The following LHFPL3 variants were observed in gnomAD, a reference collection of about 807,000 sequenced individuals.
LHFPL3 encodes the protein LHFPL tetraspan subfamily member 3 protein.
Under a neutral mutation model 19.3 loss-of-function variants are expected in LHFPL3, and 5 were observed. The ratio of observed to expected loss-of-function variants is 0.26; its 90% CI spans 0.14 to 0.54. The LOEUF (loss-of-function observed/expected upper bound fraction) is 0.54. Among genes scored for constraint, LHFPL3 ranks in the 20% least tolerant of loss-of-function variants. LHFPL3 has a pLI of 0.94. For synonymous variants in LHFPL3, 133 were observed against 126.2 expected (o/e 1.05, Z -0.36); for missense variants, 249 against 307.4 (o/e 0.81, Z 1.42).
chr7:104,856,686 T>C (rs1791512374), intron 2 of LHFPL3, among the ~76,000 whole-genome samples: 1 of 152,254 alleles, frequency 6.6e-6, no homozygotes, highest in South Asian at 2.1e-4. Context: ...GTGAGAATCT[T>C]TAAATCACTT....
At chr7:104,828,960 A>G (rs1332016297) in intron 2 of LHFPL3, among the ~76,000 whole-genome samples, 5 of 151,856 alleles carry the variant, frequency 3.3e-5, no homozygotes, top group Non-Finnish European at 7.4e-5. Context: ...ACTTGGGCCC[A>G]GGAGGCAAAG....
chr7:104,841,176 T>C (rs1365362428), intron 2 of LHFPL3, among the ~76,000 whole-genome samples: 2 of 152,126 alleles, frequency 1.3e-5, no homozygotes, highest in Non-Finnish European at 2.9e-5. Flanking sequence ...TCCTCTCCCA[T>C]CTTATAGAAA....
intron 1 of LHFPL3, among the ~76,000 whole-genome samples, chr7:104,428,796 T>C (rs774539614): frequency 6.6e-6 from 1 of 152,230 alleles, no homozygotes; most frequent in Non-Finnish European, 1.5e-5. Context: ...AAAACCTAGA[T>C]TTAATATGAT....
intron 1 of LHFPL3, among the ~76,000 whole-genome samples, chr7:104,434,192 G>A (rs1054497099): frequency 6.6e-6 from 1 of 152,156 alleles, no homozygotes; most frequent in Non-Finnish European, 1.5e-5. Flanking sequence ...CCCCTTGATT[G>A]GATCCACCTT....
intron 1 of LHFPL3, among the ~76,000 whole-genome samples, chr7:104,593,015 G>A (rs1348128378): frequency 6.6e-6 from 1 of 152,106 alleles, no homozygotes; most frequent in Non-Finnish European, 1.5e-5. Flanking sequence ...TTTTTTTGAA[G>A]GGTTTTTTGT....
chr7:104,796,826 C>T (rs1243305655), intron 2 of LHFPL3: 2 of 152,676 alleles, frequency 1.3e-5, no homozygotes, highest in African/African-American at 4.8e-5. Context: ...ATCTGTCTCT[C>T]TGCTCTACCA....
intron 2 of LHFPL3, among the ~76,000 whole-genome samples, chr7:104,877,410 C>T (rs1010192399): frequency 2.8e-4 from 43 of 152,130 alleles, no homozygotes; most frequent in African/African-American, 9.9e-4. Context: ...TAAAACTCTA[C>T]AATAAAAGGA....
intron 1 of LHFPL3, among the ~76,000 whole-genome samples, chr7:104,426,187 A>G (rs185242776): frequency 1.3e-4 from 20 of 152,152 alleles, no homozygotes; most frequent in East Asian, 7.7e-4. Context: ...AAGGATTGCT[A>G]TTTCTTAGGT....
chr7:104,368,074 A>G (rs901484796), intron 1 of LHFPL3, among the ~76,000 whole-genome samples: 2 of 152,188 alleles, frequency 1.3e-5, no homozygotes, highest in Non-Finnish European at 2.9e-5. Context: ...ATGTTTATCC[A>G]TAGAGAGAAG....
intron 2 of LHFPL3, among the ~76,000 whole-genome samples, chr7:104,850,421 C>T (rs1032631340): frequency 1.3e-5 from 2 of 152,190 alleles, no homozygotes; most frequent in Non-Finnish European, 2.9e-5. Flanking sequence ...AGATCTTTTG[C>T]TTCTGAGCCT....
intron 2 of LHFPL3, among the ~76,000 whole-genome samples, chr7:104,821,673 G>A (rs1790678254): frequency 6.6e-6 from 1 of 152,162 alleles, no homozygotes; most frequent in African/African-American, 2.4e-5. Flanking sequence ...ATAATCTACA[G>A]TGTGACCATC....
chr7:104,336,280 A>G (rs1486201074), intron 1 of LHFPL3, among the ~76,000 whole-genome samples: 6 of 152,206 alleles, frequency 3.9e-5, no homozygotes, highest in Non-Finnish European at 8.8e-5. Context: ...GATGACTTAA[A>G]CATAATGCTC....
intron 1 of LHFPL3, among the ~76,000 whole-genome samples, chr7:104,508,655 A>G (rs2115760059): frequency 6.6e-6 from 1 of 151,792 alleles, no homozygotes; most frequent in East Asian, 1.9e-4. Flanking sequence ...TTATGCATAC[A>G]TTAGAAAAAA....
At chr7:104,446,416 C>T (rs1014074060) in intron 1 of LHFPL3, among the ~76,000 whole-genome samples, 5 of 152,090 alleles carry the variant, frequency 3.3e-5, no homozygotes, top group African/African-American at 1.2e-4. Flanking sequence ...TTGTAGTCAC[C>T]ATGTTTATCA....
At chr7:104,563,251 C>T (rs1353680377) in intron 1 of LHFPL3, among the ~76,000 whole-genome samples, 6 of 152,224 alleles carry the variant, frequency 3.9e-5, no homozygotes, top group African/African-American at 1.4e-4. Context: ...CTAATCAAGC[C>T]TGGGCAATGG....
chr7:104,760,465 A>C (rs1445936662), intron 2 of LHFPL3, among the ~76,000 whole-genome samples: 1 of 152,242 alleles, frequency 6.6e-6, no homozygotes, highest in African/African-American at 2.4e-5. Flanking sequence ...AAGGAAGCAG[A>C]AATGATACAT....
chr7:104,742,224 C>T (rs1793948648), intron 2 of LHFPL3, among the ~76,000 whole-genome samples: 1 of 152,180 alleles, frequency 6.6e-6, no homozygotes, highest in Non-Finnish European at 1.5e-5. Context: ...CCTTGTCAGA[C>T]ACCATTCATA....
At chr7:104,799,071 G>T (rs1005784421) in intron 2 of LHFPL3, among the ~76,000 whole-genome samples, 6 of 152,212 alleles carry the variant, frequency 3.9e-5, no homozygotes, top group Non-Finnish European at 8.8e-5. Context: ...TTCCAGAGCA[G>T]AATACCTGTG....
chr7:104,483,774 A>G (rs1483920547), intron 1 of LHFPL3, among the ~76,000 whole-genome samples: 1 of 151,980 alleles, frequency 6.6e-6, no homozygotes, highest in East Asian at 1.9e-4. Flanking sequence ...CACCACCATG[A>G]CCAGCTATTT....
Sources: gnomAD v4.1 joint callset for allele counts (sites outside exome capture counted in the v4.1 genomes callset) on GRCh38, gnomAD v4.1.1 for gene constraint, MANE v1.5 for transcripts, NCBI Gene and HGNC (gene_info 2026-07-23, HGNC 2026-07-21) for gene names.